The following PATJ variants were observed in gnomAD, a reference collection of about 807,000 sequenced individuals.
The protein encoded by PATJ is PATJ crumbs cell polarity complex component.
In PATJ, 190 loss-of-function variants were observed where a neutral mutation model predicts 224.9. That is an observed-to-expected ratio of 0.84 (90% CI 0.75 to 0.95). The LOEUF (loss-of-function observed/expected upper bound fraction) is 0.95, where lower values mean the gene tolerates loss of function less well. PATJ is among the 40% of genes least tolerant of loss of function. The pLI is 0.00. For missense variants in PATJ, 2,121 were observed against 2,270.3 expected, an observed-to-expected ratio of 0.93 and a Z score of 1.34; for synonymous variants, 769 against 820.3, an observed-to-expected ratio of 0.94 and a Z score of 1.07.
At chr1:62,136,650 T>C (rs1244834607) in intron 41 of PATJ, among the ~76,000 whole-genome samples, 6 of 44,200 alleles carry the variant, frequency 1.4e-4, no homozygotes, top group Admixed American at 1.2e-3. Flanking sequence ...ATGTTTTGCG[T>C]GTGTGTGTGT....
At chr1:62,045,736 G>A (rs138870341) in intron 30 of PATJ, among the ~76,000 whole-genome samples, 139 of 152,246 alleles carry the variant, frequency 9.1e-4, no homozygotes, top group East Asian at 3.7e-3. Flanking sequence ...GCCCCCATCC[G>A]TCAGCCAGAT....
rs776611770 is a variant in PATJ at position 61,908,434 on chromosome 1, A to G, written c.3444A>G (p.Ala1148=). The change falls in exon 25 of 44, where the codon GCA becomes GCG. Residue 1148 remains alanine (A), a synonymous_variant. Transcript: ENST00000642238. ...HSEAVEAIKN[A]GNPVVFIVQS... Reference sequence around the variant, plus strand: ...AAGCAGTTGAGGCCATTAAGAATGCAGGAAACCCTGTGGTGTTCATTGTTC... The same window carrying G: ...AAGCAGTTGAGGCCATTAAGAATGCGGGAAACCCTGTGGTGTTCATTGTTC... 2 of 1,614,066 alleles carry G rather than the reference A, an allele frequency of 1.2e-6. No homozygotes were observed. Among genetic ancestry groups the G allele is most frequent in the South Asian group, 2.2e-5 (2 of 91,072 alleles).
intron 20 of PATJ, among the ~76,000 whole-genome samples, chr1:61,869,437 C>A (rs1272311266): frequency 6.6e-6 from 1 of 152,110 alleles, no homozygotes; most frequent in Admixed American, 6.6e-5. Flanking sequence ...TTGCTTATTG[C>A]CATTCCTCAA....
chr1:61,929,027 G>A (rs1178561681), intron 27 of PATJ, among the ~76,000 whole-genome samples: 1 of 152,234 alleles, frequency 6.6e-6, no homozygotes, highest in Non-Finnish European at 1.5e-5. Flanking sequence ...CACCTCGGAA[G>A]GGATAATGCA....
intron 28 of PATJ, chr1:61,991,715 G>A (rs1020395039): frequency 2.9e-5 from 29 of 983,472 alleles, no homozygotes; most frequent in Admixed American, 1.8e-4. Flanking sequence ...ACATTGGGTC[G>A]TAACACTGAC....
chr1:61,961,977 AAAAAAAAAG>A (rs1020876466), intron 27 of PATJ, among the ~76,000 whole-genome samples: 52 of 151,314 alleles, frequency 3.4e-4, no homozygotes, highest in African/African-American at 1.2e-3. Flanking sequence ...CTTAGAAAAA[AAAAAAAAAG>A]AAAGAAAAGA....
intron 26 of PATJ, among the ~76,000 whole-genome samples, chr1:61,923,143 G>GAAAAA (rs1321092560): frequency 1.3e-5 from 2 of 152,202 alleles, no homozygotes; most frequent in East Asian, 3.8e-4. Flanking sequence ...TTGTCACAAA[G>GAAAAA]AAAAACACCT....
chr1:62,100,885 G>A (rs773748571), intron 33 of PATJ, among the ~76,000 whole-genome samples: 3 of 152,284 alleles, frequency 2.0e-5, no homozygotes, highest in African/African-American at 2.4e-5. Context: ...ATGAACTTAC[G>A]TAGTGGTGAC....
At chr1:61,858,630 C>T (rs1054570797) in intron 18 of PATJ, among the ~76,000 whole-genome samples, 6 of 152,154 alleles carry the variant, frequency 3.9e-5, no homozygotes, top group South Asian at 2.1e-4. Context: ...AAGACAGCAC[C>T]AAGCCATGAG....
At chr1:62,105,461 G>A (rs1181210150) in intron 33 of PATJ, among the ~76,000 whole-genome samples, 1 of 152,116 alleles carries the variant, frequency 6.6e-6, no homozygotes, top group Non-Finnish European at 1.5e-5. Context: ...GTCTGCATTA[G>A]TTTCTCCTCG....
chr1:61,781,704 G>A (rs1326552544), intron 7 of PATJ, among the ~76,000 whole-genome samples: 1 of 152,196 alleles, frequency 6.6e-6, no homozygotes, highest in African/African-American at 2.4e-5. Context: ...TTAATTCTAT[G>A]TTTCTAAAAT....
intron 40 of PATJ, 65 bp downstream of exon 40, chr1:62,128,159 C>T: frequency 6.3e-7 from 1 of 1,592,938 alleles, no homozygotes; most frequent in Non-Finnish European, 8.6e-7. Context: ...AGTTGCAGCC[C>T]TGGGCACCTT....
chr1:61,801,353 T>C (rs1652454078), intron 11 of PATJ, among the ~76,000 whole-genome samples: 1 of 152,258 alleles, frequency 6.6e-6, no homozygotes, highest in African/African-American at 2.4e-5. Context: ...TTTTTTCATG[T>C]GTCTTCCCAT....
intron 30 of PATJ, among the ~76,000 whole-genome samples, chr1:62,047,205 A>G (rs928821789): frequency 1.3e-5 from 2 of 152,204 alleles, no homozygotes; most frequent in African/African-American, 4.8e-5. Flanking sequence ...AGGGTTACTA[A>G]CAGAACCTGT....
rs202201982 is a variant in PATJ at position 61,990,347 on chromosome 1, G to A, written c.3850G>A (p.Gly1284Arg). The change falls in exon 28 of 44, where the codon GGA becomes AGA. Residue 1284 changes from glycine (G) to arginine (R), a missense_variant. By Grantham distance (125) the Gly-to-Arg change is moderately radical. Coordinates refer to ENST00000642238, the MANE Select transcript of PATJ (RefSeq NM_001350145.3). ...PAAADGRMRI[G>R]DELLEINNQI... ...TGCCGCAGATGGACGAATGCGTATT[G>A]GAGATGAACTCTTAGAGGTGAGAAG... is the stretch of plus-strand genomic sequence containing the variant. The A allele has an allele frequency of 3.8e-5, 62 of 1,612,568 alleles. No individual in the cohort carries two copies. The East Asian group carries it at 1.3e-3, about 34-fold the overall frequency.
chr1:62,065,976 T>C (rs2148663051), intron 31 of PATJ, among the ~76,000 whole-genome samples: 1 of 152,346 alleles, frequency 6.6e-6, no homozygotes, highest in Non-Finnish European at 1.5e-5. Flanking sequence ...AATAAGAGCC[T>C]ATAATCTAAA....
intron 27 of PATJ, among the ~76,000 whole-genome samples, chr1:61,982,911 G>A (rs548629993): frequency 6.6e-6 from 1 of 151,768 alleles, no homozygotes; most frequent in South Asian, 2.1e-4. Context: ...ACTTTTACTG[G>A]CAAAAATCAC....
chr1:61,855,118 A>G (rs1473916589), intron 17 of PATJ, among the ~76,000 whole-genome samples: 1 of 152,202 alleles, frequency 6.6e-6, no homozygotes, highest in Non-Finnish European at 1.5e-5. Flanking sequence ...AGAACGGAGT[A>G]TCATTTCCCA....
At chr1:61,998,919 G>C (rs191507714) in intron 28 of PATJ, among the ~76,000 whole-genome samples, 17 of 152,118 alleles carry the variant, frequency 1.1e-4, no homozygotes, top group African/African-American at 4.1e-4. Context: ...CCATATTCTT[G>C]TCTTGGAGGA....
Sources: gnomAD v4.1 joint callset for allele counts (sites outside exome capture counted in the v4.1 genomes callset) on GRCh38, gnomAD v4.1.1 for gene constraint, MANE v1.5 for transcripts, NCBI Gene and HGNC (gene_info 2026-07-23, HGNC 2026-07-21) for gene names.